Variants in FHIT observed in about 807,000 individuals in gnomAD.
The protein encoded by FHIT is fragile histidine triad diadenosine triphosphatase.
In FHIT, 19 loss-of-function variants were observed where a neutral mutation model predicts 17.9. That is an observed-to-expected ratio of 1.06 (90% CI 0.74 to 1.56). The LOEUF is 1.56. FHIT is among the 40% of genes most tolerant of loss of function. The pLI, the probability that FHIT is intolerant of heterozygous loss-of-function variation, is 0.00. For missense variants in FHIT, 248 were observed against 189.2 expected, an observed-to-expected ratio of 1.31 and a Z score of -1.82; for synonymous variants, 81 against 69.7, an observed-to-expected ratio of 1.16 and a Z score of -0.81.
chr3:59,922,352 A>C lies in FHIT; in HGVS notation c.342T>G (p.Tyr114Ter). The change falls in exon 8 of 10, where the codon TAT (tyrosine) becomes TAG (stop). Residue 114 changes from tyrosine to a stop codon, truncating the protein, a stop_gained. Coordinates refer to ENST00000492590, the MANE Select transcript of FHIT (RefSeq NM_002012.4). LOFTEE classifies it high-confidence loss of function. ...AGDFHRNDSI[Y>*]EELQKHDKED... ...TCAGAGAGAACAGACCCACCTCCTC[A>C]TAGATGCTGTCATTCCTGTGAAAGT... 6.2e-7 allele frequency: 1 copy of C among 1,613,634 alleles called. No individual in the cohort carries two copies. The highest frequency in any genetic ancestry group is 8.5e-7 in the Non-Finnish European group (1 of 1,179,568).
intron 5 of FHIT, among the ~76,000 whole-genome samples, chr3:60,050,602 T>TC (rs35153236): frequency 0.27 from 40,872 of 152,062 alleles, 6,035 homozygotes; most frequent in African/African-American, 0.38. Flanking sequence ...CTTTCATGTA[T>TC]CCTTATGCAG....
intron 5 of FHIT, among the ~76,000 whole-genome samples, chr3:60,533,709 T>C (rs2107592702): frequency 6.6e-6 from 1 of 152,000 alleles, no homozygotes; most frequent in East Asian, 1.9e-4. Context: ...GAAAGTATAG[T>C]AAAGGGATAG....
intron 5 of FHIT, among the ~76,000 whole-genome samples, chr3:60,337,263 T>C (rs900176810): frequency 6.6e-6 from 1 of 152,022 alleles, no homozygotes; most frequent in Non-Finnish European, 1.5e-5. Flanking sequence ...TTCCGCCCAC[T>C]AGGAAGACAT....
intron 5 of FHIT, among the ~76,000 whole-genome samples, chr3:60,463,180 G>A (rs1559935037): frequency 6.6e-6 from 1 of 152,116 alleles, no homozygotes; most frequent in Non-Finnish European, 1.5e-5. Flanking sequence ...GAGTACCATG[G>A]GACATGTGTT....
intron 4 of FHIT, among the ~76,000 whole-genome samples, chr3:60,714,083 C>T (rs2041614523): frequency 1.3e-5 from 2 of 152,178 alleles, no homozygotes; most frequent in African/African-American, 4.8e-5. Flanking sequence ...AGCTTATCCA[C>T]CATGAGCAGG....
intron 4 of FHIT, among the ~76,000 whole-genome samples, chr3:60,748,235 A>C (rs2042397061): frequency 6.6e-6 from 1 of 152,224 alleles, no homozygotes; most frequent in African/African-American, 2.4e-5. Flanking sequence ...GGGACAAAAA[A>C]ACTTTTCCTT....
chr3:60,043,681 T>C lies in FHIT; in HGVS notation c.104-29529A>G, dbSNP rs114371915. ...TGCATGTTATAGATAGACAGATAGA[T>C]AGATAGATAAAATATCTATTTTCTC... On this transcript the variant is annotated intron_variant, in intron 5 of 9. Coordinates refer to ENST00000492590, the MANE Select transcript of FHIT (RefSeq NM_002012.4). 8.9e-3 allele frequency among the ~76,000 whole-genome samples: 1,352 copies of C among 152,230 alleles called. 20 individuals carry two copies. The highest frequency in any genetic ancestry group is 0.029 in the African/African-American group (1,221 of 41,542).
intron 4 of FHIT, among the ~76,000 whole-genome samples, chr3:60,695,611 A>G (rs537280148): frequency 6.6e-6 from 1 of 152,248 alleles, no homozygotes; most frequent in African/African-American, 2.4e-5. Context: ...TGGGAGGATC[A>G]GCTGTGATAA....
At position 60,153,875 on chromosome 3, in the gene FHIT, C is replaced by T. The variant is rs115405082; in HGVS notation, c.104-139723G>A. 4.9e-3 allele frequency among the ~76,000 whole-genome samples: 741 copies of T among 152,272 alleles called. 4 individuals are homozygous for T. Among genetic ancestry groups the T allele is most frequent in the African/African-American group, 0.017 (718 of 41,560 alleles). ...CTATTCACTACACATTCACATTGTG[C>T]TAGGTGCTGGGCATACAATGAAGAA... is the stretch of plus-strand genomic sequence containing the variant. On this transcript the variant is annotated intron_variant, in intron 5 of 9. Transcript: ENST00000492590.
rs572703357 is a variant in FHIT at position 60,609,012 on chromosome 3, G to A, written c.-17-72033C>T. ...ATATATGAATGCATATGCTGGTCAC[G>A]CACAATTTGGAAAAAAAAAAAAAAA... is the stretch of plus-strand genomic sequence containing the variant. On this transcript the variant is annotated intron_variant, in intron 4 of 9. Transcript: ENST00000492590. Among the ~76,000 whole-genome samples the A allele has an allele frequency of 1.1e-3, 155 of 142,702 alleles. 1 individual carries two copies. The highest frequency in any genetic ancestry group is 3.7e-3 in the African/African-American group (141 of 37,852). The allele number at this position is 142,702 out of a possible 152,430, so 93.6% of individuals were successfully genotyped here. A position where few individuals can be genotyped will look rare whatever the true frequency, so the allele number is the denominator to read the frequency against.
In FHIT at chr3:61,073,654, T is replaced by G. The variant is rs546309651; in HGVS notation, c.-163-31555A>C. 6.6e-5 allele frequency among the ~76,000 whole-genome samples: 10 copies of G among 152,312 alleles called. No homozygotes were observed. The South Asian group carries it at 2.1e-3, about 32-fold the overall frequency. On this transcript the variant is annotated intron_variant, in intron 2 of 9. Transcript: ENST00000492590. ...AGTATTCAAGCTTTAGGAGTTGGGT[T>G]TGTGCATTTTCCTTTTATAACTATT...
At chr3:60,116,938 A>G (rs1317496593) in intron 5 of FHIT, among the ~76,000 whole-genome samples, 2 of 152,144 alleles carry the variant, frequency 1.3e-5, no homozygotes, top group African/African-American at 4.8e-5. Context: ...AAAGTTACGG[A>G]AATATTGTAC....
intron 5 of FHIT, among the ~76,000 whole-genome samples, chr3:60,118,524 A>G (rs2107209504): frequency 6.6e-6 from 1 of 152,198 alleles, no homozygotes; most frequent in African/African-American, 2.4e-5. Context: ...GTAGGGAGGC[A>G]TAATACTGTC....
intron 4 of FHIT, among the ~76,000 whole-genome samples, chr3:60,547,895 A>G (rs941445533): frequency 1.3e-5 from 2 of 152,128 alleles, no homozygotes; most frequent in African/African-American, 4.8e-5. Flanking sequence ...GGAAATCTCC[A>G]AGCTGTGAAC....
chr3:59,906,533 G>A (rs1575675123), intron 8 of FHIT, among the ~76,000 whole-genome samples: 2 of 152,292 alleles, frequency 1.3e-5, no homozygotes, highest in East Asian at 3.9e-4. Context: ...TGCATGAAAT[G>A]AGCCAAATTC....
At chr3:60,413,881 G>A (rs756394098) in intron 5 of FHIT, among the ~76,000 whole-genome samples, 13 of 152,286 alleles carry the variant, frequency 8.5e-5, no homozygotes, top group East Asian at 7.7e-4. Flanking sequence ...CACATGCTAC[G>A]CACTGTGCTA....
intron 5 of FHIT, among the ~76,000 whole-genome samples, chr3:60,183,692 T>C (rs1261364989): frequency 6.6e-6 from 1 of 152,154 alleles, no homozygotes; most frequent in African/African-American, 2.4e-5. Context: ...CGACACCCTC[T>C]TGCCTCCCCA....
chr3:59,923,075 C>A (rs1049542977), intron 7 of FHIT, among the ~76,000 whole-genome samples: 4 of 151,574 alleles, frequency 2.6e-5, no homozygotes, highest in Non-Finnish European at 4.4e-5. Context: ...CTGGCCAACA[C>A]GGTGAAACTC....
At chr3:60,306,185 T>A (rs1708662858) in intron 5 of FHIT, among the ~76,000 whole-genome samples, 1 of 152,160 alleles carries the variant, frequency 6.6e-6, no homozygotes, top group African/African-American at 2.4e-5. Flanking sequence ...AACTCCAGAT[T>A]CTTTTGACTT....
Sources: gnomAD v4.1 joint callset for allele counts (sites outside exome capture counted in the v4.1 genomes callset) on GRCh38, gnomAD v4.1.1 for gene constraint, MANE v1.5 for transcripts, NCBI Gene and HGNC (gene_info 2026-07-23, HGNC 2026-07-21) for gene names.